Variants in EPHB2 observed in about 807,000 individuals in gnomAD.
The protein encoded by EPHB2 is ephrin type-B receptor 2.
A neutral mutation model predicts 96.4 loss-of-function variants in EPHB2; 18 were observed. The observed-to-expected ratio is 0.19, with a 90% confidence interval of 0.13 to 0.28. The LOEUF (loss-of-function observed/expected upper bound fraction) is 0.28. EPHB2 is among the 10% of genes least tolerant of loss of function. The pLI is 1.00. For missense variants in EPHB2, 989 were observed against 1,355.4 expected, an observed-to-expected ratio of 0.73 and a Z score of 4.25; for synonymous variants, 506 against 534.1, an observed-to-expected ratio of 0.95 and a Z score of 0.72.
At chr1:22,859,461 T>A (rs377661189) in intron 3 of EPHB2, among the ~76,000 whole-genome samples, 1 of 152,124 alleles carries the variant, frequency 6.6e-6, no homozygotes, top group Non-Finnish European at 1.5e-5. Flanking sequence ...AGTGGCTTCA[T>A]TGAGATAAAA....
chr1:22,757,936 T>A, intron 1 of EPHB2, among the ~76,000 whole-genome samples: 1 of 55,604 alleles, frequency 1.8e-5, no homozygotes, highest in Non-Finnish European at 4.0e-5. Flanking sequence ...TTTTTTTTTT[T>A]GAGACGGAGT....
chr1:22,770,612 A>G (rs1372098478), intron 1 of EPHB2, among the ~76,000 whole-genome samples: 1 of 152,226 alleles, frequency 6.6e-6, no homozygotes, highest in Non-Finnish European at 1.5e-5. Context: ...AGTTAGAAAT[A>G]AAGTGAGACA....
chr1:22,913,431 T>G lies in EPHB2; in HGVS notation c.2853-31T>G. 6.2e-7 allele frequency: 1 copy of G among 1,613,184 alleles called. No homozygotes were observed. Among genetic ancestry groups the G allele is most frequent in the Admixed American group, 1.7e-5 (1 of 59,892 alleles). On this transcript the variant is annotated intron_variant, in intron 15 of 15. Transcript: ENST00000374630. The surrounding 1 kb of genome is among the most constrained non-coding windows in gnomAD (Gnocchi z 4.1). Reference sequence around the variant, plus strand: ...GGCACAGGACCCCTTCACCCGCATATTTCCCTAACACACGTGCTTCTCTCC... The same window carrying G: ...GGCACAGGACCCCTTCACCCGCATAGTTCCCTAACACACGTGCTTCTCTCC...
chr1:22,896,451 A>G lies in EPHB2; in HGVS notation c.1738A>G (p.Lys580Glu). Reference protein sequence around the residue: ...FERADSEYTDKLQHYTSGHMT... With the variant: ...FERADSEYTDELQHYTSGHMT... ...GCGTGCTGACTCGGAGTACACGGAC[A>G]AGCTGCAACACTACACCAGTGGCCA... Residue 580 changes from lysine to glutamate, a missense_variant, in exon 9 of 16, where the codon AAG (lysine) becomes GAG (glutamate). Physicochemically the swap from Lys to Glu is moderately conservative, Grantham distance 56. Coordinates refer to ENST00000374630, the MANE Select transcript of EPHB2 (RefSeq NM_017449.5). 1 of 1,614,158 alleles carries G rather than the reference A, an allele frequency of 6.2e-7. No homozygotes were observed. Among genetic ancestry groups the G allele is most frequent in the Non-Finnish European group, 8.5e-7 (1 of 1,180,006 alleles).
intron 1 of EPHB2, among the ~76,000 whole-genome samples, chr1:22,720,669 C>CT (rs1553158002): frequency 8.7e-6 from 1 of 114,416 alleles, no homozygotes; most frequent in Non-Finnish European, 2.0e-5. Context: ...TTCCCCCCCC[C>CT]CCCCGCCCCA....
intron 3 of EPHB2, among the ~76,000 whole-genome samples, chr1:22,819,208 TCTCTC>T (rs1645116669): frequency 1.5e-5 from 1 of 68,382 alleles, no homozygotes; most frequent in Admixed American, 1.3e-4. Context: ...AGCAGATGTC[TCTCTC>T]TCTCTCTCTC....
chr1:22,874,736 A>G lies in EPHB2; in HGVS notation c.1304-7623A>G, dbSNP rs1480544356. 5.3e-5 allele frequency among the ~76,000 whole-genome samples: 8 copies of G among 152,316 alleles called. No homozygotes were observed. The South Asian group carries it at 1.7e-3, about 32-fold the overall frequency. ...GATCAAGGGGAGAGCAAATGAGCAC[A>G]TGAACAGCCAATTGCCACCCTAGAG... On this transcript the variant is annotated intron_variant, in intron 5 of 15. Transcript: ENST00000374630.
chr1:22,855,262 C>CT (rs1198296071), intron 3 of EPHB2, among the ~76,000 whole-genome samples: 4 of 152,212 alleles, frequency 2.6e-5, no homozygotes, highest in African/African-American at 4.8e-5. Context: ...GACCAAGACT[C>CT]TTTTCTCCAT....
intron 1 of EPHB2, among the ~76,000 whole-genome samples, chr1:22,744,196 A>C (rs1643938207): frequency 6.6e-6 from 1 of 151,794 alleles, no homozygotes; most frequent in East Asian, 1.9e-4. Flanking sequence ...CGTGGAAAAC[A>C]GTTTAGCTGT....
intron 6 of EPHB2, among the ~76,000 whole-genome samples, chr1:22,892,444 T>C (rs1639418328): frequency 6.6e-6 from 1 of 152,204 alleles, no homozygotes. Context: ...GGTTTATGTC[T>C]GTGGGTCAAT....
intron 1 of EPHB2, among the ~76,000 whole-genome samples, chr1:22,763,848 T>C (rs1557660039): frequency 6.6e-6 from 1 of 152,150 alleles, no homozygotes. Context: ...TCCATGTCCT[T>C]GCCCTTTCTA....
At chr1:22,855,098 G>A (rs1645679408) in intron 3 of EPHB2, among the ~76,000 whole-genome samples, 1 of 152,244 alleles carries the variant, frequency 6.6e-6, no homozygotes, top group Non-Finnish European at 1.5e-5. Context: ...GGGGGTGCCA[G>A]GCAGCGCCTT....
At chr1:22,810,611 T>C (rs1342315926) in intron 3 of EPHB2, among the ~76,000 whole-genome samples, 4 of 152,306 alleles carry the variant, frequency 2.6e-5, no homozygotes, top group African/African-American at 9.6e-5. Flanking sequence ...CTTGGGAGTT[T>C]CCCAGTGGGT....
intron 3 of EPHB2, among the ~76,000 whole-genome samples, chr1:22,847,020 A>G (rs1199370401): frequency 1.3e-5 from 2 of 152,206 alleles, no homozygotes; most frequent in Admixed American, 1.3e-4. Flanking sequence ...CTTTGGCCTC[A>G]GATGTAATGC....
chr1:22,880,304 C>T (rs1638994272), intron 5 of EPHB2, among the ~76,000 whole-genome samples: 1 of 152,232 alleles, frequency 6.6e-6, no homozygotes, highest in African/African-American at 2.4e-5. Flanking sequence ...TGAACTCCTA[C>T]CAGGCCTGCT....
intron 4 of EPHB2, 24 bp from the exon 5 acceptor site, chr1:22,864,853 A>C: frequency 1.4e-6 from 2 of 1,438,998 alleles, no homozygotes; most frequent in Non-Finnish European, 1.9e-6. Flanking sequence ...CCCCCCACTG[A>C]CCAACACCTC....
At chr1:22,874,788 AAAT>A (rs894777993) in intron 5 of EPHB2, among the ~76,000 whole-genome samples, 4 of 152,184 alleles carry the variant, frequency 2.6e-5, no homozygotes, top group East Asian at 1.9e-4. Flanking sequence ...TTCAAGGAAA[AAAT>A]AATAATAATG....
chr1:22,720,667 C>G (rs1048263684), intron 1 of EPHB2, among the ~76,000 whole-genome samples: 54 of 108,466 alleles, frequency 5.0e-4, no homozygotes, highest in African/African-American at 1.5e-3. Flanking sequence ...CATTCCCCCC[C>G]CCCCCCGCCC....
chr1:22,787,600 G>GA (rs1256626293), intron 3 of EPHB2, among the ~76,000 whole-genome samples: 2 of 151,950 alleles, frequency 1.3e-5, no homozygotes, highest in Non-Finnish European at 2.9e-5. Context: ...GAAAGAAAAA[G>GA]AAAAAAATTA....
Sources: allele counts gnomAD v4.1 joint callset (sites outside exome capture counted in the v4.1 genomes callset), GRCh38; gene constraint gnomAD v4.1.1; non-coding constraint Gnocchi (gnomAD v3.1); transcripts MANE v1.5; gene names NCBI Gene and HGNC (gene_info 2026-07-23, HGNC 2026-07-21).